The following CHML variants were observed in gnomAD, a reference collection of about 807,000 sequenced individuals.
The protein encoded by CHML is rab proteins geranylgeranyltransferase component A 2.
Under a neutral mutation model 30.4 loss-of-function variants are expected in CHML, and 20 were observed. That is an observed-to-expected ratio of 0.66 (90% CI 0.46 to 0.95). The LOEUF is 0.95. CHML is among the 40% of genes least tolerant of loss of function. CHML has a pLI of 0.00. For synonymous variants in CHML, 281 were observed against 275.0 expected (o/e 1.02, Z -0.22); for missense variants, 795 against 768.5 (o/e 1.03, Z -0.41).
In CHML at chr1:241,635,225, T is replaced by C; in HGVS notation, c.542A>G (p.Tyr181Cys). The change falls in exon 2 of 2, where the codon TAT (tyrosine) becomes TGT (cysteine). Residue 181 changes from tyrosine to cysteine, a missense_variant. Tyr to Cys is a radical substitution (Grantham distance 194). Transcript: ENST00000366553. Reference sequence around the variant, plus strand: ...GTGCATACAAGTTTTATCTCCACAATACTTTTCCTTCTCCACTGATTCCTC... The same window carrying C: ...GTGCATACAAGTTTTATCTCCACAACACTTTTCCTTCTCCACTGATTCCTC... Reference protein sequence around the residue: ...DVEESVEKEKYCGDKTCMHTV... With the variant: ...DVEESVEKEKCCGDKTCMHTV... 6.2e-7 allele frequency: 1 copy of C among 1,613,660 alleles called. No homozygotes were observed. The highest frequency in any genetic ancestry group is 8.5e-7 in the Non-Finnish European group (1 of 1,179,910).
Position 241,640,365 on chromosome 1 carries a change from G to T in CHML, c.-791C>A. The T allele has an allele frequency of 2.0e-6, 2 of 1,013,484 alleles. No homozygotes were observed. The highest frequency in any genetic ancestry group is 2.4e-6 in the Non-Finnish European group (2 of 841,374). 62.8% of individuals were successfully genotyped at this position (1,013,484 alleles called of 1,614,324 possible). On this transcript the variant is annotated 5_prime_UTR_variant, in exon 1 of 2. Coordinates refer to ENST00000366553, the MANE Select transcript of CHML (RefSeq NM_001381853.1). ...CTCCGCCGCCTGCTCTAGCCATTGT[G>T]CACTGAGGGGCCCGCGCTACCGCGC...
In CHML at chr1:241,640,163, C is replaced by A; in HGVS notation, c.-589G>T. Reference sequence around the variant, plus strand: ...GCCGGGGCTGAAGAGGGGCGCGGGGCTCAGTGTCCCCGCCGGCGCCGGCCC... The same window carrying A: ...GCCGGGGCTGAAGAGGGGCGCGGGGATCAGTGTCCCCGCCGGCGCCGGCCC... On this transcript the variant is annotated 5_prime_UTR_variant, in exon 1 of 2. Coordinates refer to ENST00000366553, the MANE Select transcript of CHML (RefSeq NM_001381853.1). 3 of 1,477,456 alleles carry A rather than the reference C, an allele frequency of 2.0e-6. No homozygotes were observed. The highest frequency in any genetic ancestry group is 2.7e-6 in the Non-Finnish European group (3 of 1,117,548). The allele number at this position is 1,477,456 out of a possible 1,614,324, so 91.5% of individuals were successfully genotyped here.
Position 241,629,203 on chromosome 1 carries a change from C to T in CHML, c.*4593G>A, listed in dbSNP as rs1206079304. The T allele has an allele frequency of 6.6e-6, 1 of 152,130 alleles. No homozygotes were observed. Among genetic ancestry groups the T allele is most frequent in the African/African-American group, 2.4e-5 (1 of 41,420 alleles). The allele number at this position is 152,130 out of a possible 1,614,324, so 9.4% of individuals were successfully genotyped here. Reference sequence around the variant, plus strand: ...AGTGGAACTGCTAGAAAACTTTGTACAAATAGCTTTTCTTTCTTTTAAATA... The same window carrying T: ...AGTGGAACTGCTAGAAAACTTTGTATAAATAGCTTTTCTTTCTTTTAAATA... On this transcript the variant is annotated 3_prime_UTR_variant, in exon 2 of 2. Transcript: ENST00000366553.
chr1:241,635,913 A>C lies in CHML; in HGVS notation c.-147T>G. ...TAGCTGTTTAACGGTTACCCTTTTA[A>C]AATATTTTTTTTCTTATAAGTCAGT... is the stretch of plus-strand genomic sequence containing the variant. On this transcript the variant is annotated 5_prime_UTR_variant, in exon 2 of 2. Coordinates refer to ENST00000366553, the MANE Select transcript of CHML (RefSeq NM_001381853.1). 4.1e-6 allele frequency: 3 copies of C among 731,334 alleles called. No individual in the cohort carries two copies. Among genetic ancestry groups the C allele is most frequent in the Non-Finnish European group, 6.6e-6 (3 of 453,948 alleles). The allele number at this position is 731,334 out of a possible 1,614,324, so 45.3% of individuals were successfully genotyped here. A position where few individuals can be genotyped will look rare whatever the true frequency, so the allele number is the denominator to read the frequency against.
In CHML at chr1:241,631,200, T is replaced by G. The variant is rs1664621763; in HGVS notation, c.*2596A>C. 1 of 152,158 alleles carries G rather than the reference T, an allele frequency of 6.6e-6. No individual in the cohort carries two copies. The highest frequency in any genetic ancestry group is 1.5e-5 in the Non-Finnish European group (1 of 67,988). The allele number at this position is 152,158 out of a possible 1,614,324, so 9.4% of individuals were successfully genotyped here. The stretch of plus-strand genomic sequence containing the variant: ...ATAACTTCTCATTTCCCACTTATTT[T>G]GTATTAAGAAATATATTCATTTTCT... On this transcript the variant is annotated 3_prime_UTR_variant, in exon 2 of 2. Coordinates refer to ENST00000366553, the MANE Select transcript of CHML (RefSeq NM_001381853.1).
chr1:241,634,719 A>G lies in CHML; in HGVS notation c.1048T>C (p.Ser350Pro). The change falls in exon 2 of 2, where the codon TCT becomes CCT. Residue 350 changes from serine to proline, a missense_variant. Ser to Pro is a moderately conservative substitution (Grantham distance 74). Transcript: ENST00000366553. ...LHSIAMTSES[S>P]CTTIDGLNAT... ...TTAAGACCATCTATTGTAGTGCAAGATGATTCTGATGTCATTGCAATTGAG... is the reference window on the plus strand; with the variant it reads ...TTAAGACCATCTATTGTAGTGCAAGGTGATTCTGATGTCATTGCAATTGAG... 1 of 1,614,014 alleles carries G rather than the reference A, an allele frequency of 6.2e-7. No individual in the cohort carries two copies. Among genetic ancestry groups the G allele is most frequent in the Non-Finnish European group, 8.5e-7 (1 of 1,179,876 alleles).
chr1:241,633,702 A>G lies in CHML; in HGVS notation c.*94T>C. On this transcript the variant is annotated 3_prime_UTR_variant, in exon 2 of 2. Transcript: ENST00000366553. The stretch of plus-strand genomic sequence containing the variant: ...TGCATAGCATTCATCATATATAACC[A>G]CTTCTAATTACTCATATGGGAAACT... 7.7e-7 allele frequency: 1 copy of G among 1,303,522 alleles called. No individual in the cohort carries two copies. The highest frequency in any genetic ancestry group is 1.3e-5 in the South Asian group (1 of 74,874). The allele number at this position is 1,303,522 out of a possible 1,614,324, so 80.7% of individuals were successfully genotyped here. A position where few individuals can be genotyped will look rare whatever the true frequency, so the allele number is the denominator to read the frequency against.
At position 241,634,896 on chromosome 1, in the gene CHML, T is replaced by C. The variant is rs1558447831; in HGVS notation, c.871A>G (p.Met291Val). 1 of 1,610,418 alleles carries C rather than the reference T, an allele frequency of 6.2e-7. No individual in the cohort carries two copies. Among genetic ancestry groups the C allele is most frequent in the Non-Finnish European group, 8.5e-7 (1 of 1,178,840 alleles). The change falls in exon 2 of 2, where the codon ATG becomes GTG. Residue 291 changes from methionine (M) to valine (V), a missense_variant. Transcript: ENST00000366553. ...ADVFNSKELT[M>V]VEKRMLMKFL... The stretch of plus-strand genomic sequence containing the variant: ...TTCATTAGCATCCTCTTTTCAACCA[T>C]GGTGAGTTCCTTGCTATTAAAGACA...
chr1:241,633,900 TATC>T lies in CHML; in HGVS notation c.1864_1866del (p.Asp622del), dbSNP rs1204708841. 1 of 1,613,794 alleles carries T rather than the reference TATC, an allele frequency of 6.2e-7. No individual in the cohort carries two copies. The highest frequency in any genetic ancestry group is 8.5e-7 in the Non-Finnish European group (1 of 1,179,834). Reference sequence around the variant, plus strand: ...TTGGTTCCAGGAGCCTCTGGCTGCTTATCATCACCATCAAAGATAATGTCTTCT... The same window carrying T: ...TTGGTTCCAGGAGCCTCTGGCTGCTTATCACCATCAAAGATAATGTCTTCT... On this transcript the variant is annotated inframe_deletion, in exon 2 of 2. Transcript: ENST00000366553.
At chr1:241,639,664 G>T (rs1486703632) in intron 1 of CHML, among the ~76,000 whole-genome samples, 1 of 151,748 alleles carries the variant, frequency 6.6e-6, no homozygotes, top group Non-Finnish European at 1.5e-5. Context: ...GACAGCGTGG[G>T]GCGGGAGGGG....
chr1:241,639,978 A>G lies in CHML; in HGVS notation c.-404T>C, dbSNP rs751741269. 1 of 1,612,644 alleles carries G rather than the reference A, an allele frequency of 6.2e-7. No homozygotes were observed. Among genetic ancestry groups the G allele is most frequent in the Non-Finnish European group, 8.5e-7 (1 of 1,179,416 alleles). On this transcript the variant is annotated 5_prime_UTR_variant, in exon 1 of 2. Transcript: ENST00000366553. ...GACACGAAGGTAAAGGTGACCCCGAAGAGGGACACCAGCAGGTCGCTGAGG... is the reference window on the plus strand; with the variant it reads ...GACACGAAGGTAAAGGTGACCCCGAGGAGGGACACCAGCAGGTCGCTGAGG...
chr1:241,638,174 A>C (rs1664975854), intron 1 of CHML, among the ~76,000 whole-genome samples: 2 of 152,220 alleles, frequency 1.3e-5, no homozygotes, highest in African/African-American at 4.8e-5. Context: ...GGTTGAAAGC[A>C]CTAAATGCCC....
chr1:241,634,566 A>G lies in CHML; in HGVS notation c.1201T>C (p.Cys401Arg), dbSNP rs1275348699. 1 of 1,613,900 alleles carries G rather than the reference A, an allele frequency of 6.2e-7. No individual in the cohort carries two copies. The highest frequency in any genetic ancestry group is 1.1e-5 in the South Asian group (1 of 91,078). Reference sequence around the variant, plus strand: ...AAGCATTGTACTTTATGACGAAGACAATAGATTCCACCAAAAACTGCACAC... The same window carrying G: ...AAGCATTGTACTTTATGACGAAGACGATAGATTCCACCAAAAACTGCACAC... ...RMCAVFGGIY[C>R]LRHKVQCFVV... The change falls in exon 2 of 2, where the codon TGT becomes CGT. Residue 401 changes from cysteine to arginine, a missense_variant. Transcript: ENST00000366553.
chr1:241,633,993 G>C lies in CHML; in HGVS notation c.1774C>G (p.Gln592Glu). ...ATCTCCTGGAAAAGTGTTTCAGCTT[G>C]CTTGACAGCATGCTCATTTCCCAGG... is the stretch of plus-strand genomic sequence containing the variant. ...CGLGNEHAVK[Q>E]AETLFQEIFP... The change falls in exon 2 of 2, where the codon CAA becomes GAA. Residue 592 changes from glutamine (Q) to glutamate (E), a missense_variant. Gln to Glu is a conservative substitution (Grantham distance 29). Transcript: ENST00000366553. 6.2e-7 allele frequency: 1 copy of C among 1,613,928 alleles called. No individual in the cohort carries two copies. Among genetic ancestry groups the C allele is most frequent in the African/African-American group, 1.3e-5 (1 of 75,012 alleles).
At chr1:241,637,437 C>T (rs919221022) in intron 1 of CHML, among the ~76,000 whole-genome samples, 1 of 152,200 alleles carries the variant, frequency 6.6e-6, no homozygotes, top group Admixed American at 6.5e-5. Flanking sequence ...CAGCAGTTGC[C>T]TGGCCCACTC....
Position 241,634,832 on chromosome 1 carries a change from T to G in CHML, c.935A>C (p.Asp312Ala). 1 of 1,613,142 alleles carries G rather than the reference T, an allele frequency of 6.2e-7. No homozygotes were observed. The highest frequency in any genetic ancestry group is 8.5e-7 in the Non-Finnish European group (1 of 1,179,594). ...ACACTGCCTGAAAGCTTGGTATTCA[T>G]CAGGATGTTGTTCATACTCTAAACA... Reference protein sequence around the residue: ...TFCLEYEQHPDEYQAFRQCSF... With the variant: ...TFCLEYEQHPAEYQAFRQCSF... The change falls in exon 2 of 2, where the codon GAT becomes GCT. Residue 312 changes from aspartate (D) to alanine (A), a missense_variant. Asp to Ala is a moderately radical substitution (Grantham distance 126). Transcript: ENST00000366553.
rs1295132944 is a variant in CHML at position 241,629,241 on chromosome 1, T to C, written c.*4555A>G. ...TTTCTTTTAAATATTTTCCTGGGCA[T>C]ATGCCACTCAAAGTGAGTATGTCAA... On this transcript the variant is annotated 3_prime_UTR_variant, in exon 2 of 2. Coordinates refer to ENST00000366553, the MANE Select transcript of CHML (RefSeq NM_001381853.1). The C allele has an allele frequency of 6.6e-6, 1 of 152,152 alleles. No homozygotes were observed. The highest frequency in any genetic ancestry group is 1.5e-5 in the Non-Finnish European group (1 of 68,002). The allele number at this position is 152,152 out of a possible 1,614,324, so 9.4% of individuals were successfully genotyped here.
At position 241,633,648 on chromosome 1, in the gene CHML, C is replaced by T; in HGVS notation, c.*148G>A. On this transcript the variant is annotated 3_prime_UTR_variant, in exon 2 of 2. Transcript: ENST00000366553. Reference sequence around the variant, plus strand: ...GATAGGTTAACAAAGATATTCAATGCTGAATGTCTGAGAGTTAAAGACAAC... The same window carrying T: ...GATAGGTTAACAAAGATATTCAATGTTGAATGTCTGAGAGTTAAAGACAAC... 1 of 401,894 alleles carries T rather than the reference C, an allele frequency of 2.5e-6. No individual in the cohort carries two copies. The allele number at this position is 401,894 out of a possible 1,614,324, so 24.9% of individuals were successfully genotyped here.
In CHML at chr1:241,635,667, CCCTCTGACCACTT is replaced by C; in HGVS notation, c.87_99del (p.Ser30PhefsTer26). The C allele has an allele frequency of 6.2e-7, 1 of 1,614,052 alleles. No homozygotes were observed. The highest frequency in any genetic ancestry group is 1.1e-5 in the South Asian group (1 of 91,080). On this transcript the variant is annotated frameshift_variant, in exon 2 of 2. Transcript: ENST00000366553. LOFTEE classifies it high-confidence loss of function. ...TAGCTTCTTGAATCAATATGCAGAACCCTCTGACCACTTCTTGAACATGCAGCTGCAAGGATGG... is the reference window on the plus strand; with the variant it reads ...TAGCTTCTTGAATCAATATGCAGAACCTTGAACATGCAGCTGCAAGGATGG...
Sources: allele counts gnomAD v4.1 joint callset (sites outside exome capture counted in the v4.1 genomes callset), GRCh38; gene constraint gnomAD v4.1.1; transcripts MANE v1.5; gene names NCBI Gene and HGNC (gene_info 2026-07-23, HGNC 2026-07-21).